SGO1: variants seen among roughly 807,000 people sequenced by gnomAD.
SGO1 encodes the protein serologically defined breast cancer antigen NY-BR-85.
Under a neutral mutation model 50.5 loss-of-function variants are expected in SGO1, and 39 were observed. The observed-to-expected ratio is 0.77, with a 90% CI of 0.60 to 1.01. SGO1 has a LOEUF of 1.01. Among genes scored for constraint, SGO1 ranks in the 50% least tolerant of loss-of-function variants. SGO1 has a pLI of 0.00. For synonymous variants in SGO1, 191 were observed against 205.1 expected (o/e 0.93, Z 0.59); for missense variants, 638 against 606.0 (o/e 1.05, Z -0.55).
intron 6 of SGO1, among the ~76,000 whole-genome samples, chr3:20,171,826 T>C (rs971671185): frequency 4.6e-5 from 7 of 152,356 alleles, no homozygotes; most frequent in African/African-American, 1.7e-4. Flanking sequence ...AAAGCTAGCA[T>C]GTAAAAAAGT....
intron 6 of SGO1, 112 bp downstream of exon 6, chr3:20,174,137 G>C: frequency 1.2e-6 from 1 of 848,348 alleles, no homozygotes; most frequent in Non-Finnish European, 1.9e-6. Context: ...GAGACAGATG[G>C]TAAGTCTCCA....
rs1218301075 is a variant in SGO1 at position 20,174,417 on chromosome 3, T to C, written c.1114A>G (p.Ser372Gly). The C allele has an allele frequency of 1.9e-6, 3 of 1,614,174 alleles. No homozygotes were observed. Among genetic ancestry groups the C allele is most frequent in the Admixed American group, 3.3e-5 (2 of 60,016 alleles). Reference sequence around the variant, plus strand: ...TCATCGGAATCATCTCCTGAACCACTTGATTCACAGAGGCTCACTTCAGAC... The same window carrying C: ...TCATCGGAATCATCTCCTGAACCACCTGATTCACAGAGGCTCACTTCAGAC... ...NESEVSLCES[S>G]GSGDDSDDLY... Residue 372 changes from serine to glycine, a missense_variant, in exon 6 of 8, where the codon AGT (serine) becomes GGT (glycine). Physicochemically the swap from Ser to Gly is moderately conservative, Grantham distance 56 (BLOSUM62 0). Transcript: ENST00000412997.
chr3:20,161,069 TAA>T (rs1700011353), exon 9 of SGO1: 1 of 1,612,926 alleles, frequency 6.2e-7, no homozygotes, highest in African/African-American at 1.3e-5. Flanking sequence ...ATGCATGGAC[TAA>T]AAAAGTTTTC....
chr3:20,182,349 TC>T (rs1702115329), intron 3 of SGO1, among the ~76,000 whole-genome samples: 1 of 146,856 alleles, frequency 6.8e-6, no homozygotes, highest in African/African-American at 2.5e-5. Context: ...ACCCCCCATA[TC>T]CCTCCCCTAA....
Position 20,171,238 on chromosome 3 carries a change from A to G in SGO1, c.1283-6T>C. 6.5e-7 allele frequency: 1 copy of G among 1,550,202 alleles called. No homozygotes were observed. Among genetic ancestry groups the G allele is most frequent in the Non-Finnish European group, 8.6e-7 (1 of 1,157,432 alleles). ...CTGAGTTTCAGGTGGTGTAGCTACAAAACAATTTTTACTGAATATGATTTA... is the reference window on the plus strand; with the variant it reads ...CTGAGTTTCAGGTGGTGTAGCTACAGAACAATTTTTACTGAATATGATTTA... On this transcript the variant is annotated splice_polypyrimidine_tract_variant and splice_region_variant and intron_variant, in intron 6 of 7. Coordinates refer to ENST00000412997, the MANE Select transcript of SGO1 (RefSeq NM_001199251.3).
At chr3:20,165,030 G>A (rs1048170235), downstream of SGO1, among the ~76,000 whole-genome samples, 8 of 152,148 alleles carry the variant, frequency 5.3e-5, no homozygotes, top group African/African-American at 1.9e-4. Context: ...TAGTTCATTT[G>A]TGTTGCTATA....
chr3:20,161,564 G>C (rs1486012999), intron 8 of SGO1, among the ~76,000 whole-genome samples: 1 of 152,114 alleles, frequency 6.6e-6, no homozygotes, highest in Non-Finnish European at 1.5e-5. Flanking sequence ...AAGAGACACA[G>C]GTTATACACA....
chr3:20,182,991 C>T (rs1227392483), intron 3 of SGO1, among the ~76,000 whole-genome samples: 1 of 151,758 alleles, frequency 6.6e-6, no homozygotes, highest in African/African-American at 2.4e-5. Flanking sequence ...GCACTCTAGC[C>T]TGGGCGACTG....
At chr3:20,161,611 C>T (rs968052991) in intron 8 of SGO1, among the ~76,000 whole-genome samples, 2 of 152,076 alleles carry the variant, frequency 1.3e-5, no homozygotes, top group Non-Finnish European at 2.9e-5. Context: ...TGGTTTTGGT[C>T]ACTGAGGCAT....
At chr3:20,186,869 A>G (rs183348635), upstream of SGO1, among the ~76,000 whole-genome samples, 834 of 152,064 alleles carry the variant, frequency 5.5e-3, 9 homozygotes, top group African/African-American at 0.019. Context: ...CTGCTTTCCA[A>G]GTTTCTCTCA....
In SGO1 at chr3:20,183,569, TAACTA is replaced by T. The variant is rs766766116; in HGVS notation, c.339+34_339+38del. ...TGATCTAAACTACTTATTCATGGCT[TAACTA>T]AACTAAGAAATTCGGCCTTAGTAAT... On this transcript the variant is annotated intron_variant, in intron 3 of 7. Coordinates refer to ENST00000412997, the MANE Select transcript of SGO1 (RefSeq NM_001199251.3). 5 of 1,473,872 alleles carry T rather than the reference TAACTA, an allele frequency of 3.4e-6. No homozygotes were observed. In the South Asian group the frequency reaches 6.5e-5, roughly 19 times the overall value. 91.3% of individuals were successfully genotyped at this position (1,473,872 alleles called of 1,614,324 possible). A position where few individuals can be genotyped will look rare whatever the true frequency, so the allele number is the denominator to read the frequency against.
In SGO1 at chr3:20,174,485, C is replaced by T. The variant is rs757717144; in HGVS notation, c.1046G>A (p.Arg349Gln). The T allele has an allele frequency of 1.1e-5, 17 of 1,613,934 alleles. No homozygotes were observed. The highest frequency in any genetic ancestry group is 3.3e-4 in the Middle Eastern group (2 of 6,084). ...ATTAGAGTCATTGCTCACTTTTTGT[C>T]GGAAAGGAGTAAGATGAACACCCTC... ...LEEGVHLTPFRQKVSNDSNRE... is the reference protein window; with the variant it reads ...LEEGVHLTPFQQKVSNDSNRE... Residue 349 changes from arginine to glutamine, a missense_variant, in exon 6 of 8, where the codon CGA (arginine) becomes CAA (glutamine). Physicochemically the swap from Arg to Gln is conservative, Grantham distance 43 (BLOSUM62 1). Coordinates refer to ENST00000412997, the MANE Select transcript of SGO1 (RefSeq NM_001199251.3).
At chr3:20,172,977 GAAC>G (rs1280341372) in intron 6 of SGO1, among the ~76,000 whole-genome samples, 1 of 151,552 alleles carries the variant, frequency 6.6e-6, no homozygotes, top group Non-Finnish European at 1.5e-5. Context: ...ATTAAAAAGT[GAAC>G]AACAACAAAA....
At position 20,175,105 on chromosome 3, in the gene SGO1, T is replaced by C. The variant is rs377461341; in HGVS notation, c.476-50A>G. On this transcript the variant is annotated intron_variant, in intron 5 of 7. Coordinates refer to ENST00000412997, the MANE Select transcript of SGO1 (RefSeq NM_001199251.3). ...AAAAGTAGTTTTACTTTGTGGAAAT[T>C]TGAATTTCAAGAACTTTAGAATTCA... 332 of 1,361,504 alleles carry C rather than the reference T, an allele frequency of 2.4e-4. No individual in the cohort carries two copies. Among genetic ancestry groups the C allele is most frequent in the Non-Finnish European group, 3.1e-4 (321 of 1,047,008 alleles). The allele number at this position is 1,361,504 out of a possible 1,614,324, so 84.3% of individuals were successfully genotyped here. A position where few individuals can be genotyped will look rare whatever the true frequency, so the allele number is the denominator to read the frequency against.
chr3:20,178,104 T>C (rs1247791333), intron 4 of SGO1, among the ~76,000 whole-genome samples, 167 bp downstream of exon 4: 9 of 152,208 alleles, frequency 5.9e-5, no homozygotes, highest in Admixed American at 5.9e-4. Context: ...CTTGGCTATA[T>C]GTAATAGAAT....
In SGO1 at chr3:20,169,795, T is replaced by G. The variant is rs185614775; in HGVS notation, c.*909A>C. On this transcript the variant is annotated 3_prime_UTR_variant, in exon 8 of 8. Transcript: ENST00000412997. ...TCCCTGAGCCTAAAAAAGAATCAAT[T>G]TCTCTAGTCATTTTCCCATACATAT... 1.2e-5 allele frequency: 12 copies of G among 965,546 alleles called. No homozygotes were observed. Among genetic ancestry groups the G allele is most frequent in the African/African-American group, 1.1e-4 (6 of 56,762 alleles). The allele number at this position is 965,546 out of a possible 1,614,324, so 59.8% of individuals were successfully genotyped here.
Position 20,171,054 on chromosome 3 carries a change from G to A in SGO1, c.1461C>T (p.Pro487=), listed in dbSNP as rs753873286. The change falls in exon 7 of 8, where the codon CCC becomes CCT. Residue 487 remains proline (P), a synonymous_variant. Coordinates refer to ENST00000412997, the MANE Select transcript of SGO1 (RefSeq NM_001199251.3). ...AACCAAATACTTACGAAGCGAGGGTGGGCTCCTTATAGTTCACGCTGGCTG... is the reference window on the plus strand; with the variant it reads ...AACCAAATACTTACGAAGCGAGGGTAGGCTCCTTATAGTTCACGCTGGCTG... ...RCTASVNYKE[P]TLASKLRRGD... 4 of 1,587,086 alleles carry A rather than the reference G, an allele frequency of 2.5e-6. No homozygotes were observed. In the East Asian group the frequency reaches 9.0e-5, roughly 36 times the overall value.
upstream of SGO1, chr3:20,186,242 GGAGGC>G (rs1213382272): frequency 6.6e-6 from 1 of 152,362 alleles, no homozygotes; most frequent in African/African-American, 2.4e-5. Flanking sequence ...TGGTTGGCTG[GGAGGC>G]GGTCACGTGG....
At chr3:20,165,469 C>A (rs1384608064), downstream of SGO1, among the ~76,000 whole-genome samples, 1 of 152,110 alleles carries the variant, frequency 6.6e-6, no homozygotes, top group African/African-American at 2.4e-5. Context: ...TATCACAATA[C>A]ATGTACACTT....
Sources: gnomAD v4.1 joint callset for allele counts (sites outside exome capture counted in the v4.1 genomes callset) on GRCh38, gnomAD v4.1.1 for gene constraint, MANE v1.5 for transcripts, NCBI Gene and HGNC (gene_info 2026-07-23, HGNC 2026-07-21) for gene names.